GPC6: variants seen among roughly 807,000 people sequenced by gnomAD.
The protein encoded by GPC6 is glypican 6.
A neutral mutation model predicts 55.2 loss-of-function variants in GPC6; 14 were observed. The ratio of observed to expected loss-of-function variants is 0.25; its 90% CI spans 0.17 to 0.40. The LOEUF is 0.40. GPC6 is among the 10% of genes least tolerant of loss of function. The probability of loss-of-function intolerance (pLI) is 1.00; values close to 1 mark genes in which losing one functional copy is unlikely to be tolerated. For missense variants in GPC6, 641 were observed against 708.5 expected, an observed-to-expected ratio of 0.90 and a Z score of 1.08; for synonymous variants, 278 against 259.6, an observed-to-expected ratio of 1.07 and a Z score of -0.68.
At chr13:94,222,070 A>T (rs893322662) in intron 4 of GPC6, among the ~76,000 whole-genome samples, 4 of 151,634 alleles carry the variant, frequency 2.6e-5, no homozygotes, top group Non-Finnish European at 5.9e-5. Context: ...TAATCTATTC[A>T]TATCCAGGTT....
chr13:93,799,370 TCTAA>T (rs1886299419), intron 2 of GPC6, among the ~76,000 whole-genome samples: 3 of 152,214 alleles, frequency 2.0e-5, no homozygotes, highest in Admixed American at 1.3e-4. Flanking sequence ...TTTTTTAATA[TCTAA>T]CTTTTTCTAG....
intron 1 of GPC6, among the ~76,000 whole-genome samples, chr13:93,257,709 A>G (rs2139036682): frequency 6.6e-6 from 1 of 152,320 alleles, no homozygotes; most frequent in Middle Eastern, 3.4e-3. Context: ...GGGCAGAGAC[A>G]ATTCACTTGT....
At chr13:94,330,033 T>C (rs1322329718) in intron 6 of GPC6, among the ~76,000 whole-genome samples, 1 of 152,168 alleles carries the variant, frequency 6.6e-6, no homozygotes, top group Non-Finnish European at 1.5e-5. Context: ...CATGAAGAAA[T>C]AGTGATCCTT....
chr13:94,356,313 T>C (rs1399855676), intron 6 of GPC6, among the ~76,000 whole-genome samples: 1 of 152,252 alleles, frequency 6.6e-6, no homozygotes, highest in Admixed American at 6.5e-5. Context: ...TACCCAGTAA[T>C]GGGATTGCTG....
chr13:93,230,288 C>A (rs1330280784), intron 1 of GPC6, among the ~76,000 whole-genome samples: 1 of 152,106 alleles, frequency 6.6e-6, no homozygotes, highest in Non-Finnish European at 1.5e-5. Flanking sequence ...TTACTCAGAA[C>A]TCACAATTGT....
intron 3 of GPC6, among the ~76,000 whole-genome samples, chr13:93,881,863 A>G (rs1411512): frequency 0.67 from 101,067 of 151,684 alleles, 34,301 homozygotes; most frequent in East Asian, 0.81. Flanking sequence ...ATGATCTGCC[A>G]TTTATTCTCT....
chr13:94,269,416 C>T (rs938663549), intron 4 of GPC6, among the ~76,000 whole-genome samples: 2 of 152,140 alleles, frequency 1.3e-5, no homozygotes, highest in African/African-American at 4.8e-5. Flanking sequence ...TCTTGAAAGC[C>T]TACCTTTTAT....
At chr13:93,739,126 G>A (rs1395577054) in intron 2 of GPC6, among the ~76,000 whole-genome samples, 1 of 152,116 alleles carries the variant, frequency 6.6e-6, no homozygotes, top group Non-Finnish European at 1.5e-5. Flanking sequence ...GCTAGATATG[G>A]AAGTAATATG....
In GPC6 at chr13:94,012,611, T is replaced by C. The variant is rs1882295303; in HGVS notation, c.712-15118T>C. ...AACCACAATGTGTTGTGTCCGTGCA[T>C]GTTCCTGTGTGTATAGGGCATATTT... is the stretch of plus-strand genomic sequence containing the variant. On this transcript the variant is annotated intron_variant, in intron 3 of 8. Transcript: ENST00000377047. Among the ~76,000 whole-genome samples, 3 of 152,254 alleles carry C rather than the reference T, an allele frequency of 2.0e-5. No homozygotes were observed. In the South Asian group the frequency reaches 6.2e-4, roughly 31 times the overall value.
At chr13:93,773,002 G>T (rs971580707) in intron 2 of GPC6, among the ~76,000 whole-genome samples, 2 of 152,000 alleles carry the variant, frequency 1.3e-5, no homozygotes, top group African/African-American at 4.8e-5. Flanking sequence ...GTTCCCGGTG[G>T]GACATTTTCT....
At chr13:93,566,924 A>G (rs1182932105) in intron 2 of GPC6, among the ~76,000 whole-genome samples, 1 of 152,172 alleles carries the variant, frequency 6.6e-6, no homozygotes, top group Non-Finnish European at 1.5e-5. Flanking sequence ...ATAGTATTCC[A>G]TGGTGTATAC....
In GPC6 at chr13:94,107,278, A is replaced by T. The variant is rs536204723; in HGVS notation, c.877+79384A>T. ...GGAACCTTCTGCAGTAAAGCGGCAT[A>T]AAAGTTGCCAGAAAGGAAAAAAATG... On this transcript the variant is annotated intron_variant, in intron 4 of 8. Transcript: ENST00000377047. Among the ~76,000 whole-genome samples the T allele has an allele frequency of 8.5e-5, 13 of 152,282 alleles. 1 individual carries two copies. Among genetic ancestry groups the T allele is most frequent in the Admixed American group, 4.6e-4 (7 of 15,284 alleles).
At chr13:93,790,474 A>C in intron 2 of GPC6, among the ~76,000 whole-genome samples, 1 of 152,288 alleles carries the variant, frequency 6.6e-6, no homozygotes, top group East Asian at 1.9e-4. Context: ...AGGTTTGAGG[A>C]TATCAGATTT....
chr13:94,169,389 C>T (rs1196429163), intron 4 of GPC6, among the ~76,000 whole-genome samples: 1 of 152,088 alleles, frequency 6.6e-6, no homozygotes, highest in Non-Finnish European at 1.5e-5. Context: ...CACTGTCACT[C>T]TGAAAGTACA....
rs147617611 is a variant in GPC6 at position 93,622,683 on chromosome 13, A to G, written c.319+77262A>G. ...ATGGAGTACAATCTAATGTTTTAATACATGTATACATTGTACCATGATCTA... is the reference window on the plus strand; with the variant it reads ...ATGGAGTACAATCTAATGTTTTAATGCATGTATACATTGTACCATGATCTA... On this transcript the variant is annotated intron_variant, in intron 2 of 8. Coordinates refer to ENST00000377047, the MANE Select transcript of GPC6 (RefSeq NM_005708.5). Among the ~76,000 whole-genome samples the G allele has an allele frequency of 4.2e-3, 641 of 152,342 alleles. 1 individual carries two copies. The highest frequency in any genetic ancestry group is 0.015 in the African/African-American group (606 of 41,580).
chr13:93,846,901 G>A (rs1302172705), intron 3 of GPC6, among the ~76,000 whole-genome samples: 1 of 152,094 alleles, frequency 6.6e-6, no homozygotes, highest in African/African-American at 2.4e-5. Flanking sequence ...TGGAGATAAT[G>A]TTTTAATACA....
Position 94,027,742 on chromosome 13 carries a change from C to T in GPC6, c.725C>T (p.Pro242Leu). 1 of 1,613,924 alleles carries T rather than the reference C, an allele frequency of 6.2e-7. No individual in the cohort carries two copies. Among genetic ancestry groups the T allele is most frequent in the Non-Finnish European group, 8.5e-7 (1 of 1,179,930 alleles). ...ATAAATCTGCAGGTCAGCCCAACCC[C>T]AGGGTGTATCCGTGCCCTCATGAAG... is the stretch of plus-strand genomic sequence containing the variant. ...ANRVSKVSPTPGCIRALMKML... is the reference protein window; with the variant it reads ...ANRVSKVSPTLGCIRALMKML... The change falls in exon 4 of 9, where the codon CCA (proline) becomes CTA (leucine). Residue 242 changes from proline (P) to leucine (L), a missense_variant. By Grantham distance (98) the Pro-to-Leu change is moderately conservative. Transcript: ENST00000377047.
chr13:94,063,293 CTTTG>C (rs1179731513), intron 4 of GPC6, among the ~76,000 whole-genome samples: 1 of 152,026 alleles, frequency 6.6e-6, no homozygotes, highest in Non-Finnish European at 1.5e-5. Context: ...CAGTGCCAGA[CTTTG>C]TTTGGGAATC....
intron 4 of GPC6, among the ~76,000 whole-genome samples, chr13:94,222,965 T>C (rs181894550): frequency 1.3e-5 from 2 of 152,208 alleles, no homozygotes; most frequent in African/African-American, 4.8e-5. Flanking sequence ...ATAGCCCCTC[T>C]AACTGATTAA....
Sources: allele counts gnomAD v4.1 joint callset (sites outside exome capture counted in the v4.1 genomes callset), GRCh38; gene constraint gnomAD v4.1.1; transcripts MANE v1.5; gene names NCBI Gene and HGNC (gene_info 2026-07-23, HGNC 2026-07-21).